The following LGALS8 variants were observed in gnomAD, a reference collection of about 807,000 sequenced individuals.
LGALS8 encodes the protein galectin 8.
A neutral mutation model predicts 35.9 loss-of-function variants in LGALS8; 30 were observed. That is an observed-to-expected ratio of 0.83 (90% CI 0.62 to 1.13). LGALS8 has a LOEUF of 1.13. LGALS8 is among the 50% of genes most tolerant of loss of function. The pLI is 0.00. For synonymous variants in LGALS8, 138 were observed against 136.1 expected (o/e 1.01, Z -0.10); for missense variants, 366 against 388.7 (o/e 0.94, Z 0.49).
chr1:236,522,324 C>T (rs915609737), upstream of LGALS8, among the ~76,000 whole-genome samples: 1 of 152,138 alleles, frequency 6.6e-6, no homozygotes, highest in African/African-American at 2.4e-5. Context: ...TGACTCAGGG[C>T]CCAGCTTGGT....
At chr1:236,541,884 A>T (rs1662021459) in intron 6 of LGALS8, among the ~76,000 whole-genome samples, 174 bp downstream of exon 6, 1 of 152,208 alleles carries the variant, frequency 6.6e-6, no homozygotes, top group African/African-American at 2.4e-5. Flanking sequence ...GTTTTTGCTG[A>T]TGATTCACCT....
chr1:236,531,700 C>T (rs145318425), intron 2 of LGALS8, among the ~76,000 whole-genome samples: 2 of 152,200 alleles, frequency 1.3e-5, no homozygotes, highest in East Asian at 1.9e-4. Context: ...TTTCCTCTTA[C>T]TGAAATTTAT....
At chr1:236,542,598 T>C (rs2103100549) in intron 6 of LGALS8, 163 bp from the exon 7 acceptor site, 1 of 707,098 alleles carries the variant, frequency 1.4e-6, no homozygotes, top group Non-Finnish European at 2.5e-6. Flanking sequence ...CACAACACCA[T>C]ACCATTCCGT....
intron 2 of LGALS8, chr1:236,536,546 G>C (rs1393194241): frequency 6.6e-6 from 1 of 152,344 alleles, no homozygotes; most frequent in African/African-American, 2.4e-5. Context: ...GACTGGACTG[G>C]TCCACGGCAG....
rs562164498 is a variant in LGALS8, at chr1:236,533,495, C to T, written c.46-4002C>T. On this transcript the variant is annotated intron_variant, in intron 2 of 9. Transcript: ENST00000366584. The stretch of plus-strand genomic sequence containing the variant: ...GATTACAGTCATGTGCCACCATGCC[C>T]GGCTAATTTTGTATTTTTAGTAGAG... Among the ~76,000 whole-genome samples, 31 of 152,124 alleles carry T rather than the reference C, an allele frequency of 2.0e-4. No individual in the cohort carries two copies. The East Asian group carries it at 5.4e-3, about 27-fold the overall frequency.
chr1:236,542,558 C>G (rs1662069259), intron 6 of LGALS8: 2 of 606,732 alleles, frequency 3.3e-6, no homozygotes, highest in African/African-American at 1.9e-5. Context: ...ACAGGGATAT[C>G]AGACTCTCTT....
chr1:236,543,102 G>A (rs1372772578), intron 7 of LGALS8: 33 of 1,454,748 alleles, frequency 2.3e-5, no homozygotes, highest in East Asian at 4.5e-5. Context: ...GAGCTGTTAC[G>A]AGTAACCTGT....
intron 1 of LGALS8, 22 bp downstream of exon 1, chr1:236,524,083 C>T (rs1192717423): frequency 2.2e-6 from 1 of 455,810 alleles, no homozygotes; most frequent in East Asian, 6.9e-5. Context: ...GACCCCCGGC[C>T]TCGGGTGGCG....
At chr1:236,541,438 T>C (rs530503732) in intron 5 of LGALS8, 1 of 435,296 alleles carries the variant, frequency 2.3e-6, no homozygotes, top group Admixed American at 4.6e-5. Context: ...TCAACAGCCA[T>C]GCTCCCACCT....
chr1:236,546,261 C>T (rs1284011613), intron 9 of LGALS8, among the ~76,000 whole-genome samples: 2 of 152,124 alleles, frequency 1.3e-5, no homozygotes, highest in Non-Finnish European at 2.9e-5. Flanking sequence ...TTTGAACAAT[C>T]GTCTTTTCCA....
chr1:236,521,720 C>CA (rs938581318), upstream of LGALS8, among the ~76,000 whole-genome samples: 35 of 151,782 alleles, frequency 2.3e-4, no homozygotes, highest in African/African-American at 8.0e-4. Context: ...CCCAGCTACT[C>CA]AGGAGGCTGA....
At chr1:236,530,001 A>G (rs1289575356) in intron 2 of LGALS8, among the ~76,000 whole-genome samples, 1 of 152,216 alleles carries the variant, frequency 6.6e-6, no homozygotes, top group Non-Finnish European at 1.5e-5. Flanking sequence ...GGAAGACAGT[A>G]TCTTTACTTC....
upstream of LGALS8, chr1:236,523,797 G>T (rs73131017): frequency 7.3e-3 from 2,559 of 348,972 alleles, 62 homozygotes; most frequent in African/African-American, 0.05. Context: ...CAGAGGCTGT[G>T]CAGGAGGCCG....
At chr1:236,543,331 C>T (rs1662138685) in intron 7 of LGALS8, 1 of 670,676 alleles carries the variant, frequency 1.5e-6, no homozygotes, top group African/African-American at 1.8e-5. Flanking sequence ...GCATCGGGTC[C>T]CACCCTGTCA....
intron 2 of LGALS8, among the ~76,000 whole-genome samples, chr1:236,529,946 G>T (rs989910265): frequency 2.0e-5 from 3 of 152,174 alleles, no homozygotes; most frequent in African/African-American, 7.2e-5. Flanking sequence ...AACCACCGTG[G>T]CTGGCCACTT....
chr1:236,528,059 A>G (rs2103070000), intron 2 of LGALS8, among the ~76,000 whole-genome samples: 1 of 151,950 alleles, frequency 6.6e-6, no homozygotes, highest in South Asian at 2.1e-4. Flanking sequence ...AAAGATAATC[A>G]ATTAGTATAT....
intron 2 of LGALS8, among the ~76,000 whole-genome samples, chr1:236,532,687 C>CA (rs1417100097): frequency 6.6e-6 from 1 of 151,904 alleles, no homozygotes; most frequent in African/African-American, 2.4e-5. Context: ...ACGAAAAATA[C>CA]AAAAAAATTA....
In LGALS8 at chr1:236,543,628, A is replaced by G; in HGVS notation, c.618A>G (p.Glu206=). 6.2e-7 allele frequency: 1 copy of G among 1,613,928 alleles called. No individual in the cohort carries two copies. Among genetic ancestry groups the G allele is most frequent in the Non-Finnish European group, 8.5e-7 (1 of 1,179,780 alleles). The change falls in exon 8 of 10, where the codon GAA becomes GAG. Residue 206 remains glutamate (E), a synonymous_variant. Coordinates refer to ENST00000366584, the MANE Select transcript of LGALS8 (RefSeq NM_201544.4). ...GACGAACTGTCGTCGTTAAAGGAGA[A>G]GTGAATGCAAATGCCAAAAGGTCAG... ...GPGRTVVVKG[E]VNANAKSFNV...
intron 2 of LGALS8, among the ~76,000 whole-genome samples, chr1:236,535,723 T>G (rs1661448005): frequency 6.6e-6 from 1 of 152,242 alleles, no homozygotes; most frequent in Non-Finnish European, 1.5e-5. Flanking sequence ...TTTTTTGTTT[T>G]CTGGTGTCAT....
Sources: allele counts gnomAD v4.1 joint callset (sites outside exome capture counted in the v4.1 genomes callset), GRCh38; gene constraint gnomAD v4.1.1; transcripts MANE v1.5; gene names NCBI Gene and HGNC (gene_info 2026-07-23, HGNC 2026-07-21).